EVI5: variants seen among roughly 807,000 people sequenced by gnomAD.
EVI5 encodes the protein ecotropic viral integration site 5.
In EVI5, 73 loss-of-function variants were observed where a neutral mutation model predicts 112.0. The ratio of observed to expected loss-of-function variants is 0.65; its 90% CI spans 0.54 to 0.79. The LOEUF is 0.79. Ranked by LOEUF, EVI5 falls within the 30% of genes least tolerant of loss-of-function variation. The pLI is 0.00. For synonymous variants in EVI5, 305 were observed against 319.9 expected (o/e 0.95, Z 0.50); for missense variants, 900 against 968.8 (o/e 0.93, Z 0.94).
At chr1:92,710,753 TG>T (rs36041506) in intron 2 of EVI5, among the ~76,000 whole-genome samples, 102 of 12,558 alleles carry the variant, frequency 8.1e-3, no homozygotes, top group Middle Eastern at 0.045. Flanking sequence ...AGATTGGGGT[TG>T]GGGGGGGGGT....
Position 92,648,304 on chromosome 1 carries a change from C to T in EVI5, c.1393-11968G>A, listed in dbSNP as rs188468830. 4.6e-3 allele frequency among the ~76,000 whole-genome samples: 690 copies of T among 149,086 alleles called. 3 individuals carry two copies. Among genetic ancestry groups the T allele is most frequent in the African/African-American group, 0.016 (662 of 40,742 alleles). ...AGGAGAATGGCGTGAACCCGGGAGGCGGAGCTTGCAATGAGCAGAGATCAC... is the reference window on the plus strand; with the variant it reads ...AGGAGAATGGCGTGAACCCGGGAGGTGGAGCTTGCAATGAGCAGAGATCAC... On this transcript the variant is annotated intron_variant, in intron 13 of 19. Transcript: ENST00000684568.
intron 1 of EVI5, among the ~76,000 whole-genome samples, chr1:92,753,751 G>C (rs764777369): frequency 1.3e-5 from 2 of 152,034 alleles, no homozygotes; most frequent in Non-Finnish European, 2.9e-5. Context: ...TCTAATTTTG[G>C]AATATATTTT....
intron 19 of EVI5, among the ~76,000 whole-genome samples, chr1:92,558,212 C>T (rs1351423951): frequency 6.6e-6 from 1 of 152,070 alleles, no homozygotes; most frequent in Non-Finnish European, 1.5e-5. Flanking sequence ...CTCTCTTGAC[C>T]CTAAAGGTTG....
At chr1:92,609,241 C>A (rs1328106745) in intron 16 of EVI5, among the ~76,000 whole-genome samples, 2 of 152,182 alleles carry the variant, frequency 1.3e-5, no homozygotes, top group South Asian at 2.1e-4. Flanking sequence ...GTTATTTAAT[C>A]CTACCAAATT....
chr1:92,600,739 G>A (rs980054394), intron 18 of EVI5, among the ~76,000 whole-genome samples: 1 of 152,178 alleles, frequency 6.6e-6, no homozygotes, highest in Admixed American at 6.5e-5. Context: ...TCTGACAGGA[G>A]GTGGAGCTCA....
intron 18 of EVI5, among the ~76,000 whole-genome samples, chr1:92,591,393 C>A (rs1362963205): frequency 6.6e-6 from 1 of 152,010 alleles, no homozygotes; most frequent in African/African-American, 2.4e-5. Context: ...CACACATAGG[C>A]TCAAAATAAA....
chr1:92,713,606 T>C (rs899035710), intron 2 of EVI5, among the ~76,000 whole-genome samples: 1 of 151,866 alleles, frequency 6.6e-6, no homozygotes, highest in Non-Finnish European at 1.5e-5. Flanking sequence ...TGAAACCCCA[T>C]CTCTACCAAA....
At chr1:92,575,478 C>T (rs1354604574) in intron 18 of EVI5, among the ~76,000 whole-genome samples, 3 of 151,406 alleles carry the variant, frequency 2.0e-5, no homozygotes, top group Non-Finnish European at 4.4e-5. Flanking sequence ...TTTATAACTG[C>T]CCATAATCAA....
chr1:92,632,828 TC>T (rs1657508129), intron 14 of EVI5, among the ~76,000 whole-genome samples: 1 of 152,234 alleles, frequency 6.6e-6, no homozygotes, highest in East Asian at 1.9e-4. Flanking sequence ...TAAATTTCCC[TC>T]TACACACTGC....
At chr1:92,594,193 G>A (rs1414010667) in intron 18 of EVI5, among the ~76,000 whole-genome samples, 1 of 152,158 alleles carries the variant, frequency 6.6e-6, no homozygotes, top group Non-Finnish European at 1.5e-5. Flanking sequence ...AACCAAAACA[G>A]CATGGTACTG....
intron 13 of EVI5, among the ~76,000 whole-genome samples, chr1:92,662,496 A>G (rs1410245938): frequency 6.6e-6 from 1 of 152,200 alleles, no homozygotes; most frequent in Non-Finnish European, 1.5e-5. Flanking sequence ...AATATTACCT[A>G]TTTCTAACAA....
At position 92,756,017 on chromosome 1, in the gene EVI5, T is replaced by C. The variant is rs541553447; in HGVS notation, c.-81-19390A>G. ...TCTTGCTATTTACTAGAACTATTTA[T>C]GGATTGCTATGACATCTCTATCTAG... On this transcript the variant is annotated intron_variant, in intron 1 of 19. Coordinates refer to ENST00000684568, the MANE Select transcript of EVI5 (RefSeq NM_001350197.2). The C allele has an allele frequency of 1.3e-4, 29 of 217,648 alleles. 1 individual carries two copies. The South Asian group carries it at 1.9e-3, about 14-fold the overall frequency. The allele number at this position is 217,648 out of a possible 1,614,324, so 13.5% of individuals were successfully genotyped here. A position where few individuals can be genotyped will look rare whatever the true frequency, so the allele number is the denominator to read the frequency against.
intron 19 of EVI5, among the ~76,000 whole-genome samples, chr1:92,537,010 CCT>C (rs970940227): frequency 1.0e-3 from 155 of 152,126 alleles, no homozygotes; most frequent in African/African-American, 3.6e-3. Flanking sequence ...AAAAATTTCC[CCT>C]GTGTGTGACT....
In EVI5 at chr1:92,568,369, A is replaced by G. The variant is rs573863339; in HGVS notation, c.2071-4632T>C. 6.3e-4 allele frequency among the ~76,000 whole-genome samples: 34 copies of G among 53,960 alleles called. No individual in the cohort carries two copies. In the East Asian group the frequency reaches 0.044, roughly 70 times the overall value. 35.4% of individuals were successfully genotyped at this position (53,960 alleles called of 152,430 possible). A position where few individuals can be genotyped will look rare whatever the true frequency, so the allele number is the denominator to read the frequency against. Reference sequence around the variant, plus strand: ...CCAGCCTGGGAGACAGCAAAAACCTATCTTAAAAAAAAAAAAAAAGGAAAA... The same window carrying G: ...CCAGCCTGGGAGACAGCAAAAACCTGTCTTAAAAAAAAAAAAAAAGGAAAA... On this transcript the variant is annotated intron_variant, in intron 18 of 19. Transcript: ENST00000684568.
chr1:92,701,802 C>T (rs1671192703), intron 5 of EVI5, among the ~76,000 whole-genome samples: 1 of 149,794 alleles, frequency 6.7e-6, no homozygotes. Flanking sequence ...ATTTTCTTAC[C>T]AACACTTTAA....
chr1:92,782,271 C>CA (rs1418455218), intron 1 of EVI5, among the ~76,000 whole-genome samples: 2 of 150,262 alleles, frequency 1.3e-5, no homozygotes, highest in Admixed American at 6.6e-5. Flanking sequence ...AACAAACAAA[C>CA]AAAAAACACA....
chr1:92,705,860 G>A (rs1671876978), intron 2 of EVI5, among the ~76,000 whole-genome samples: 1 of 151,938 alleles, frequency 6.6e-6, no homozygotes, highest in Admixed American at 6.6e-5. Context: ...ACATATAGAG[G>A]TCAAATCCTA....
intron 18 of EVI5, among the ~76,000 whole-genome samples, chr1:92,587,042 G>GT (rs1487518894): frequency 4.6e-5 from 7 of 151,986 alleles, no homozygotes; most frequent in African/African-American, 1.7e-4. Context: ...TCCAAATGAT[G>GT]TTCTTCAATT....
chr1:92,687,198 A>G (rs1011279728), intron 9 of EVI5, among the ~76,000 whole-genome samples: 2 of 152,146 alleles, frequency 1.3e-5, no homozygotes, highest in African/African-American at 4.8e-5. Context: ...AGATATATAG[A>G]CCAATGGAAC....
Sources: allele counts gnomAD v4.1 joint callset (sites outside exome capture counted in the v4.1 genomes callset), GRCh38; gene constraint gnomAD v4.1.1; transcripts MANE v1.5; gene names NCBI Gene and HGNC (gene_info 2026-07-23, HGNC 2026-07-21).